DOCK9: variants seen among roughly 807,000 people sequenced by gnomAD.
DOCK9 encodes dedicator of cytokinesis 9, also known as dedicator of cytokinesis protein 9.
In DOCK9, 89 loss-of-function variants were observed where a neutral mutation model predicts 263.3. That is an observed-to-expected ratio of 0.34 (90% confidence interval 0.28 to 0.40). DOCK9 has a LOEUF of 0.40. Among genes scored for constraint, DOCK9 ranks in the 10% least tolerant of loss-of-function variants. DOCK9 has a pLI of 1.00. For synonymous variants in DOCK9, 976 were observed against 973.1 expected, an observed-to-expected ratio of 1.00 and a Z score of -0.06; for missense variants, 2,140 against 2,603.4, an observed-to-expected ratio of 0.82 and a Z score of 3.87.
At chr13:99,056,985 C>A (rs528893045) in intron 1 of DOCK9, among the ~76,000 whole-genome samples, 1 of 152,308 alleles carries the variant, frequency 6.6e-6, no homozygotes, top group East Asian at 1.9e-4. Context: ...GAGAGAAGGA[C>A]CAGTTTCTTG....
Position 99,077,579 on chromosome 13 carries a change from G to A in DOCK9, c.129+8644C>T, listed in dbSNP as rs2041960487. Among the ~76,000 whole-genome samples the A allele has an allele frequency of 3.9e-5, 6 of 152,242 alleles. No homozygotes were observed. In the South Asian group the frequency reaches 1.2e-3, roughly 32 times the overall value. ...ATCTCAGGTATGCCTTTATTGCAGT[G>A]CAAAAATGGACTAATACACCCTACT... On this transcript the variant is annotated intron_variant, in intron 1 of 32. Coordinates refer to the DOCK9 transcript ENST00000427887.
In DOCK9 at chr13:99,034,975, T is replaced by C. The variant is rs563088737; in HGVS notation, c.129+51248A>G. Among the ~76,000 whole-genome samples, 3 of 152,254 alleles carry C rather than the reference T, an allele frequency of 2.0e-5. No individual in the cohort carries two copies. The South Asian group carries it at 6.2e-4, about 32-fold the overall frequency. On this transcript the variant is annotated intron_variant, in intron 1 of 32. Transcript: ENST00000427887. ...CCCATTACCCCAATCTGTCATATTCTAACACTGCTCCAAAACTTTCACAGT... is the reference window on the plus strand; with the variant it reads ...CCCATTACCCCAATCTGTCATATTCCAACACTGCTCCAAAACTTTCACAGT...
At chr13:98,798,468 G>A (rs1285668569) in intron 50 of DOCK9, among the ~76,000 whole-genome samples, 5 of 152,206 alleles carry the variant, frequency 3.3e-5, no homozygotes, top group East Asian at 3.8e-4. Flanking sequence ...CCCAAGGTGC[G>A]TTGAGGGTGG....
At chr13:98,807,872 C>T (rs1168262809) in intron 47 of DOCK9, 65 bp from the exon 48 acceptor site, 4 of 1,355,042 alleles carry the variant, frequency 3.0e-6, no homozygotes, top group East Asian at 2.5e-5. Context: ...ACCTAGGAAG[C>T]GTTCTTTTAT....
intron 1 of DOCK9, among the ~76,000 whole-genome samples, chr13:98,969,806 C>G (rs544325293): frequency 2.6e-5 from 4 of 152,124 alleles, no homozygotes; most frequent in Admixed American, 6.5e-5. Flanking sequence ...GTGAAAGCAC[C>G]CCAGGTGGAA....
In DOCK9 at chr13:98,829,856, G is replaced by C; in HGVS notation, c.4636-100C>G. Reference sequence around the variant, plus strand: ...AGGATGTGCCTAAGGACCCAGCAAAGTGGGGGTTGGGGGGTGCTTTGAGCA... The same window carrying C: ...AGGATGTGCCTAAGGACCCAGCAAACTGGGGGTTGGGGGGTGCTTTGAGCA... On this transcript the variant is annotated intron_variant, in intron 41 of 52. Transcript: ENST00000682017. This position sits in a 1 kb window ranked among gnomAD's most constrained non-coding sequence, Gnocchi z 4.1. The C allele has an allele frequency of 9.9e-7, 1 of 1,010,810 alleles. No homozygotes were observed. Among genetic ancestry groups the C allele is most frequent in the South Asian group, 1.4e-5 (1 of 71,182 alleles). 62.6% of individuals were successfully genotyped at this position (1,010,810 alleles called of 1,614,324 possible).
intron 2 of DOCK9, among the ~76,000 whole-genome samples, chr13:98,942,292 A>G (rs34119957): frequency 0.2 from 29,528 of 146,682 alleles, 3,458 homozygotes; most frequent in African/African-American, 0.33. Context: ...AGGCTGGAGT[A>G]CAGTGGCGCG....
intron 5 of DOCK9, 49 bp from the exon 6 acceptor site, chr13:98,922,195 G>A (rs1166964693): frequency 2.0e-5 from 28 of 1,432,796 alleles, no homozygotes; most frequent in Middle Eastern, 3.5e-4. Flanking sequence ...TATTACCTGG[G>A]TTGCTTGCTG....
chr13:98,892,751 C>G (rs2046815123), intron 15 of DOCK9, among the ~76,000 whole-genome samples: 1 of 152,184 alleles, frequency 6.6e-6, no homozygotes, highest in Non-Finnish European at 1.5e-5. Flanking sequence ...AGAGTATGTA[C>G]AAACCTCTAC....
At chr13:98,856,781 T>G (rs1054603441) in intron 33 of DOCK9, 1 of 152,246 alleles carries the variant, frequency 6.6e-6, no homozygotes, top group Non-Finnish European at 1.5e-5. Context: ...TGTTAGGATG[T>G]AAGTACTTAT....
At chr13:98,803,872 T>G (rs569308381) in intron 49 of DOCK9, among the ~76,000 whole-genome samples, 1 of 152,342 alleles carries the variant, frequency 6.6e-6, no homozygotes, top group African/African-American at 2.4e-5. Flanking sequence ...GTATCTCTTT[T>G]CCCTCATAGG....
chr13:98,977,812 A>G lies in DOCK9; in HGVS notation c.98T>C (p.Val33Ala). Residue 33 changes from valine (V) to alanine (A), a missense_variant, in exon 1 of 53, where the codon GTG (valine) becomes GCG (alanine). Transcript: ENST00000682017. ...LQYKDAAQGE[V>A]EAESPGPVPA... The stretch of plus-strand genomic sequence containing the variant: ...CACAGGGCCCGGGCTCTCTGCTTCC[A>G]CTTCGCCCTGAGCTGCATCCTTGTA... 3 of 1,611,368 alleles carry G rather than the reference A, an allele frequency of 1.9e-6. No homozygotes were observed. The highest frequency in any genetic ancestry group is 2.5e-6 in the Non-Finnish European group (3 of 1,178,808).
At chr13:99,008,234 A>ATATATATTT (rs1233268084) in intron 1 of DOCK9, among the ~76,000 whole-genome samples, 36 of 94,034 alleles carry the variant, frequency 3.8e-4, no homozygotes, top group South Asian at 8.1e-4. Context: ...ATATATATAT[A>ATATATATTT]TTTTTTTTTT....
At chr13:98,890,574 G>A (rs1367555767) in intron 15 of DOCK9, among the ~76,000 whole-genome samples, 2 of 152,188 alleles carry the variant, frequency 1.3e-5, no homozygotes, top group African/African-American at 4.8e-5. Flanking sequence ...ACCTGTTTCA[G>A]ATCTCCTTTA....
At position 98,964,147 on chromosome 13, in the gene DOCK9, G is replaced by A. The variant is rs539093179; in HGVS notation, c.127-8596C>T. Reference sequence around the variant, plus strand: ...GCCCCAGGGAGCTGGCAGTCAGAGGGAAGGCACATGTGTGAACAATCAGCA... The same window carrying A: ...GCCCCAGGGAGCTGGCAGTCAGAGGAAAGGCACATGTGTGAACAATCAGCA... On this transcript the variant is annotated intron_variant, in intron 1 of 52. Transcript: ENST00000682017. Among the ~76,000 whole-genome samples, 342 of 152,340 alleles carry A rather than the reference G, an allele frequency of 2.2e-3. 1 individual carries two copies. The highest frequency in any genetic ancestry group is 3.9e-3 in the Non-Finnish European group (263 of 68,040).
At chr13:98,888,080 G>C in intron 18 of DOCK9, 78 bp downstream of exon 18, 1 of 933,894 alleles carries the variant, frequency 1.1e-6, no homozygotes, top group Non-Finnish European at 1.6e-6. Context: ...TGTTGTAGTT[G>C]TACGGTATCA....
At chr13:98,904,491 T>C (rs947994761) in intron 10 of DOCK9, 141 bp downstream of exon 10, 35 of 625,434 alleles carry the variant, frequency 5.6e-5, no homozygotes, top group Non-Finnish European at 8.4e-5. Context: ...ATTTTTATTT[T>C]TCCTCTTTTC....
intron 1 of DOCK9, among the ~76,000 whole-genome samples, chr13:98,969,651 A>G (rs1387745303): frequency 6.6e-6 from 1 of 152,244 alleles, no homozygotes; most frequent in Non-Finnish European, 1.5e-5. Context: ...AGGAGCACAC[A>G]GTCTACTGGG....
chr13:98,887,044 A>G (rs8002459), intron 18 of DOCK9, among the ~76,000 whole-genome samples: 86,443 of 150,070 alleles, frequency 0.58, 25,583 homozygotes, highest in Middle Eastern at 0.71. Flanking sequence ...ACTTCATTTC[A>G]TACCATCTGT....
Sources: allele counts gnomAD v4.1 joint callset (sites outside exome capture counted in the v4.1 genomes callset), GRCh38; gene constraint gnomAD v4.1.1; non-coding constraint Gnocchi (gnomAD v3.1); transcripts MANE v1.5; gene names NCBI Gene and HGNC (gene_info 2026-07-23, HGNC 2026-07-21).